The following MOK variants were observed in gnomAD, a reference collection of about 807,000 sequenced individuals.
The protein encoded by MOK is MOK protein kinase.
Under a neutral mutation model 54.2 loss-of-function variants are expected in MOK, and 59 were observed. That is an observed-to-expected ratio of 1.09 (90% CI 0.88 to 1.35). The LOEUF is 1.35. MOK is among the 40% of genes most tolerant of loss of function. MOK has a pLI of 0.00. For synonymous variants in MOK, 210 were observed against 202.7 expected, an observed-to-expected ratio of 1.04 and a Z score of -0.31; for missense variants, 517 against 526.2, an observed-to-expected ratio of 0.98 and a Z score of 0.17.
At chr14:102,233,956 A>G (rs560252467) in intron 7 of MOK, 167 bp from the exon 8 acceptor site, 8 of 590,578 alleles carry the variant, frequency 1.4e-5, no homozygotes, top group Non-Finnish European at 2.1e-5. Flanking sequence ...TACCGTAAAC[A>G]TCACAAGGTG....
At chr14:102,218,413 G>A in the MOK span, among the ~76,000 whole-genome samples, 1 of 152,214 alleles carries the variant, frequency 6.6e-6, no homozygotes, top group African/African-American at 2.4e-5. Context: ...GCCTGACAGA[G>A]CTTCAGGACA....
Position 102,229,542 on chromosome 14 carries a change from G to GGGCTGGAGTAAGACGACAGTCTGA in MOK, c.1073_1096dup (p.Ser365_Pro366insLeuArgLeuSerSerTyrSerSer). The GGGCTGGAGTAAGACGACAGTCTGA allele has an allele frequency of 6.2e-7, 1 of 1,614,170 alleles. No homozygotes were observed. The highest frequency in any genetic ancestry group is 1.1e-5 in the South Asian group (1 of 91,076). On this transcript the variant is annotated inframe_insertion, in exon 11 of 12. Transcript: ENST00000361847. The stretch of plus-strand genomic sequence containing the variant: ...AGATCCAAGCACGGACTGCAGCGTG[G>GGGCTGGAGTAAGACGACAGTCTGA]GGCTGGAGTAAGACGACAGTCTGAC...
At position 102,273,755 on chromosome 14, in the gene MOK, C is replaced by T. The variant is rs774053203; in HGVS notation, c.123-7843G>A. 4.9e-4 allele frequency among the ~76,000 whole-genome samples: 75 copies of T among 152,048 alleles called. 1 individual carries two copies. The highest frequency in any genetic ancestry group is 1.4e-3 in the Admixed American group (21 of 15,252). Reference sequence around the variant, plus strand: ...TGAGCTGAGATCATGCCATTGCACTCCAGCCTGGGCAACAAGAGCAAAACT... The same window carrying T: ...TGAGCTGAGATCATGCCATTGCACTTCAGCCTGGGCAACAAGAGCAAAACT... On this transcript the variant is annotated intron_variant, in intron 2 of 11. Coordinates refer to ENST00000361847, the MANE Select transcript of MOK (RefSeq NM_014226.3).
chr14:102,292,844 C>T (rs1279902784), intron 1 of MOK, among the ~76,000 whole-genome samples: 2 of 151,996 alleles, frequency 1.3e-5, no homozygotes, highest in Non-Finnish European at 2.9e-5. Context: ...CATTAACAGC[C>T]ACATTGAGGC....
chr14:102,254,017 C>T (rs540114354), intron 4 of MOK, among the ~76,000 whole-genome samples: 1 of 151,360 alleles, frequency 6.6e-6, no homozygotes, highest in South Asian at 2.1e-4. Context: ...CGAAGTGTAG[C>T]ACTGTCGCCC....
At chr14:102,259,359 A>T (rs920927633) in intron 4 of MOK, among the ~76,000 whole-genome samples, 1 of 152,216 alleles carries the variant, frequency 6.6e-6, no homozygotes, top group Non-Finnish European at 1.5e-5. Context: ...AAGCATCATC[A>T]TCAATAACCG....
Position 102,265,870 on chromosome 14 carries a change from C to A in MOK, c.165G>T (p.Arg55Ser). 6.2e-7 allele frequency: 1 copy of A among 1,614,030 alleles called. No homozygotes were observed. The highest frequency in any genetic ancestry group is 8.5e-7 in the Non-Finnish European group (1 of 1,179,932). The change falls in exon 3 of 12, where the codon AGG becomes AGT. Residue 55 changes from arginine (R) to serine (S), a missense_variant. Arg to Ser is a moderately radical substitution (Grantham distance 110). Transcript: ENST00000361847. ...GAATGTTTGGGTGCGGATTCAGGCG[C>A]CTCAGTGCTTGGATCTCTCGTAGGT... ...VNNLREIQAL[R>S]RLNPHPNILM...
In MOK at chr14:102,238,610, C is replaced by A. The variant is rs937789293; in HGVS notation, c.591-4821G>T. Among the ~76,000 whole-genome samples the A allele has an allele frequency of 3.9e-5, 6 of 152,036 alleles. No individual in the cohort carries two copies. The highest frequency in any genetic ancestry group is 1.2e-4 in the African/African-American group (5 of 41,388). On this transcript the variant is annotated intron_variant, in intron 7 of 11. Coordinates refer to ENST00000361847, the MANE Select transcript of MOK (RefSeq NM_014226.3). This position sits in a 1 kb window ranked among gnomAD's most constrained non-coding sequence, Gnocchi z 4.8. ...TTACCCCTGCAGTCCAACCTCAGTA[C>A]CCCCCACTGAAAAAGCCTCATTACT...
the MOK span, among the ~76,000 whole-genome samples, chr14:102,219,181 T>G: frequency 6.6e-6 from 1 of 152,210 alleles, no homozygotes; most frequent in African/African-American, 2.4e-5. Context: ...CACCTGATAA[T>G]CTTTAGACTG....
chr14:102,260,879 T>C (rs1221413784), intron 4 of MOK, among the ~76,000 whole-genome samples: 1 of 152,112 alleles, frequency 6.6e-6, no homozygotes, highest in African/African-American at 2.4e-5. Context: ...CCCAGCACTT[T>C]GGGAGGCCGA....
chr14:102,229,407 C>T (rs772863186), intron 11 of MOK, 41 bp from the exon 12 acceptor site: 1 of 1,614,110 alleles, frequency 6.2e-7, no homozygotes, highest in Non-Finnish European at 8.5e-7. Context: ...CAGTGGCGGC[C>T]TGGGCTGGGT....
Position 102,229,220 on chromosome 14 carries a change from C to G in MOK, c.*69G>C. On this transcript the variant is annotated 3_prime_UTR_variant, in exon 12 of 12. Transcript: ENST00000361847. ...CCAGCCCTCCGTGGCGTCTCAGCAG[C>G]AGATCACCCAGGCCTGGCCCGGTCG... 2.7e-6 allele frequency: 4 copies of G among 1,456,494 alleles called. No homozygotes were observed. The highest frequency in any genetic ancestry group is 3.7e-6 in the Non-Finnish European group (4 of 1,075,152). The allele number at this position is 1,456,494 out of a possible 1,614,324, so 90.2% of individuals were successfully genotyped here.
intron 2 of MOK, among the ~76,000 whole-genome samples, chr14:102,274,890 G>A (rs2068710109): frequency 6.6e-6 from 1 of 150,984 alleles, no homozygotes; most frequent in Non-Finnish European, 1.5e-5. Flanking sequence ...CAGGAGAATT[G>A]CTTGAAACCA....
chr14:102,262,104 G>A (rs1372379048), intron 4 of MOK, among the ~76,000 whole-genome samples: 2 of 151,546 alleles, frequency 1.3e-5, no homozygotes, highest in Admixed American at 1.3e-4. Context: ...GCCTCCCAAA[G>A]TGCTGAGATT....
chr14:102,227,986 G>A (rs577156590), downstream of MOK, among the ~76,000 whole-genome samples: 3 of 152,324 alleles, frequency 2.0e-5, no homozygotes, highest in East Asian at 5.8e-4. Context: ...AAAAAAGAAA[G>A]AAGACCCAAT....
intron 1 of MOK, among the ~76,000 whole-genome samples, chr14:102,295,223 C>T (rs564194952): frequency 1.3e-5 from 2 of 152,170 alleles, no homozygotes; most frequent in South Asian, 2.1e-4. Context: ...GAAAAACAGA[C>T]TCAAGGACAA....
downstream of MOK, chr14:102,222,809 TG>T: frequency 6.2e-7 from 1 of 1,614,164 alleles, no homozygotes; most frequent in Non-Finnish European, 8.5e-7. This position sits in a 1 kb window ranked among gnomAD's most constrained non-coding sequence, Gnocchi z 4.4. Flanking sequence ...GCTGGATTAA[TG>T]TAGACTGCTT....
At chr14:102,217,598 C>T in the MOK span, among the ~76,000 whole-genome samples, 37 of 145,864 alleles carry the variant, frequency 2.5e-4, 1 homozygote, top group Admixed American at 1.8e-3. Flanking sequence ...TGGGTCCCGA[C>T]GTCCCTGGGC....
rs545680581 is a variant in MOK at position 102,254,280 on chromosome 14, G to A, written c.284-2285C>T. 2.8e-4 allele frequency among the ~76,000 whole-genome samples: 43 copies of A among 152,244 alleles called. No homozygotes were observed. In the South Asian group the frequency reaches 3.3e-3, roughly 12 times the overall value. ...TGGGATTACAGGCTTGAGCCACTGC[G>A]CCTGGCCGCAATTAACTTTTTTGTG... is the stretch of plus-strand genomic sequence containing the variant. On this transcript the variant is annotated intron_variant, in intron 4 of 11. Transcript: ENST00000361847.
Sources: allele counts gnomAD v4.1 joint callset (sites outside exome capture counted in the v4.1 genomes callset), GRCh38; gene constraint gnomAD v4.1.1; non-coding constraint Gnocchi (gnomAD v3.1); transcripts MANE v1.5; gene names NCBI Gene and HGNC (gene_info 2026-07-23, HGNC 2026-07-21).